ST6GALNAC2: variants seen among roughly 807,000 people sequenced by gnomAD.
ST6GALNAC2 encodes ST6 N-acetylgalactosaminide alpha-2,6-sialyltransferase 2.
ST6GALNAC2 carries 42 observed loss-of-function variants against 38.7 expected under a neutral mutation model. The ratio of observed to expected loss-of-function variants is 1.09; its 90% CI spans 0.85 to 1.40. The LOEUF (loss-of-function observed/expected upper bound fraction) is 1.40. ST6GALNAC2 is among the 40% of genes most tolerant of loss of function. ST6GALNAC2 has a pLI of 0.00. For missense variants in ST6GALNAC2, 506 were observed against 481.7 expected (o/e 1.05, Z -0.47); for synonymous variants, 233 against 209.0 (o/e 1.11, Z -0.99).
At chr17:76,578,551 C>T (rs2075442504) in intron 2 of ST6GALNAC2, among the ~76,000 whole-genome samples, 1 of 152,142 alleles carries the variant, frequency 6.6e-6, no homozygotes, top group Non-Finnish European at 1.5e-5. Flanking sequence ...CATATTTATT[C>T]ATCCTTCTCT....
intron 6 of ST6GALNAC2, chr17:76,569,935 G>C (rs1266552081): frequency 4.8e-6 from 1 of 210,482 alleles, no homozygotes; most frequent in Non-Finnish European, 9.4e-6. Flanking sequence ...TGATCTCAGG[G>C]ACAAGAAATT....
At chr17:76,570,462 A>ACC in intron 6 of ST6GALNAC2, 103 bp downstream of exon 6, 1 of 733,358 alleles carries the variant, frequency 1.4e-6, no homozygotes, top group Non-Finnish European at 2.3e-6. Flanking sequence ...CCCTTCACCC[A>ACC]CCTCCTCTTA....
At chr17:76,584,425 T>C (rs1379683665) in intron 1 of ST6GALNAC2, among the ~76,000 whole-genome samples, 1 of 152,186 alleles carries the variant, frequency 6.6e-6, no homozygotes, top group African/African-American at 2.4e-5. Context: ...CAAACATGTA[T>C]TATTTCTTTG....
intron 1 of ST6GALNAC2, 127 bp downstream of exon 1, chr17:76,585,557 T>C: frequency 9.1e-7 from 1 of 1,103,970 alleles, no homozygotes; most frequent in East Asian, 3.2e-5. Flanking sequence ...CGCTGAGAGC[T>C]GCCCCAGAGG....
rs138894722 is a variant in ST6GALNAC2 at position 76,579,866 on chromosome 17, A to T, written c.126-1050T>A. On this transcript the variant is annotated intron_variant, in intron 1 of 8. Transcript: ENST00000225276. ...GGACTTCCCAGCCTCCAGAACCATA[A>T]GAGGTAACTCTCTGTTTTTTGTAAA... Among the ~76,000 whole-genome samples, 1,013 of 152,298 alleles carry T rather than the reference A, an allele frequency of 6.7e-3. 5 individuals carry two copies. Among genetic ancestry groups the T allele is most frequent in the Non-Finnish European group, 0.011 (745 of 68,022 alleles).
chr17:76,567,638 C>G, intron 7 of ST6GALNAC2, 86 bp from the exon 8 acceptor site: 1 of 885,962 alleles, frequency 1.1e-6, no homozygotes, highest in South Asian at 1.4e-5. Flanking sequence ...GGTGGGAAAA[C>G]TTCAAAAACT....
intron 3 of ST6GALNAC2, among the ~76,000 whole-genome samples, chr17:76,574,099 C>T (rs983110264): frequency 7.9e-5 from 12 of 152,164 alleles, no homozygotes; most frequent in African/African-American, 2.7e-4. Context: ...CACCATTGGA[C>T]GCTGCAGCCT....
chr17:76,579,528 C>A (rs2075452800), intron 1 of ST6GALNAC2, among the ~76,000 whole-genome samples: 1 of 152,208 alleles, frequency 6.6e-6, no homozygotes. Context: ...GAAGTACAAT[C>A]CTGGTTAAGG....
intron 2 of ST6GALNAC2, among the ~76,000 whole-genome samples, chr17:76,575,972 G>A (rs1215509240): frequency 2.0e-5 from 3 of 152,238 alleles, no homozygotes; most frequent in Non-Finnish European, 4.4e-5. Flanking sequence ...AGCTGGGCAT[G>A]GGGGCTCACC....
At chr17:76,579,198 C>T (rs1271721619) in intron 1 of ST6GALNAC2, among the ~76,000 whole-genome samples, 3 of 152,226 alleles carry the variant, frequency 2.0e-5, no homozygotes, top group African/African-American at 7.2e-5. Context: ...GGATTACAGG[C>T]GTAAGCCACT....
At chr17:76,572,846 C>A in intron 4 of ST6GALNAC2, 71 bp from the exon 5 acceptor site, 2 of 1,571,714 alleles carry the variant, frequency 1.3e-6, no homozygotes, top group South Asian at 2.2e-5. Context: ...ATCTCCACGG[C>A]TCTGCCTGGC....
At chr17:76,582,164 C>CTTT (rs71158025) in intron 1 of ST6GALNAC2, among the ~76,000 whole-genome samples, 17 of 62,056 alleles carry the variant, frequency 2.7e-4, no homozygotes, top group Non-Finnish European at 2.9e-4. Flanking sequence ...CGTGCCCAGC[C>CTTT]TTTTTTTTTT....
chr17:76,567,380 A>T, intron 8 of ST6GALNAC2, 73 bp downstream of exon 8: 2 of 1,105,232 alleles, frequency 1.8e-6, no homozygotes, highest in Non-Finnish European at 2.8e-6. Flanking sequence ...GGTAAGGGAT[A>T]TCAGGGGATC....
chr17:76,573,329 T>C lies in ST6GALNAC2; in HGVS notation c.396A>G (p.Ser132=), dbSNP rs1342869426. 6.3e-7 allele frequency: 1 copy of C among 1,577,498 alleles called. No individual in the cohort carries two copies. Among genetic ancestry groups the C allele is most frequent in the Non-Finnish European group, 8.6e-7 (1 of 1,161,146 alleles). Residue 132 remains serine, a synonymous_variant, in exon 4 of 9, where the codon TCA becomes TCG. Coordinates refer to ENST00000225276, the MANE Select transcript of ST6GALNAC2 (RefSeq NM_006456.3). The surrounding 1 kb of genome is among the most constrained non-coding windows in gnomAD (Gnocchi z 5.1). ...GCGGGGCAAACAGCTTGGCACTCTCTGAGCCGTTCAGAAGGCTCAGGGTGG... is the reference window on the plus strand; with the variant it reads ...GCGGGGCAAACAGCTTGGCACTCTCCGAGCCGTTCAGAAGGCTCAGGGTGG... ...IASTLSLLNG[S]ESAKLFAPPR...
chr17:76,566,758 C>A (rs756337971), intron 8 of ST6GALNAC2, among the ~76,000 whole-genome samples: 11 of 151,440 alleles, frequency 7.3e-5, no homozygotes, highest in Non-Finnish European at 1.3e-4. Flanking sequence ...AGCTACCCAG[C>A]TACTTGGGAA....
At chr17:76,567,712 AGACCTTAGG>A in intron 7 of ST6GALNAC2, 160 bp from the exon 8 acceptor site, 1 of 561,958 alleles carries the variant, frequency 1.8e-6, no homozygotes, top group Non-Finnish European at 3.2e-6. Context: ...AAGATCTTTG[AGACCTTAGG>A]TAAGGTTGGG....
Position 76,573,336 on chromosome 17 carries a change from T to A in ST6GALNAC2, c.389A>T (p.Asn130Ile). 1.9e-6 allele frequency: 3 copies of A among 1,570,840 alleles called. No individual in the cohort carries two copies. The highest frequency in any genetic ancestry group is 2.6e-6 in the Non-Finnish European group (3 of 1,157,568). ...QVIASTLSLL[N>I]GSESAKLFAP... is the part of the protein sequence containing the mutation. ...AAACAGCTTGGCACTCTCTGAGCCG[T>A]TCAGAAGGCTCAGGGTGGAGGCGAT... Residue 130 changes from asparagine (N) to isoleucine (I), a missense_variant, in exon 4 of 9, where the codon AAC becomes ATC. Coordinates refer to ENST00000225276, the MANE Select transcript of ST6GALNAC2 (RefSeq NM_006456.3). The surrounding 1 kb of genome is among the most constrained non-coding windows in gnomAD (Gnocchi z 5.1).
intron 1 of ST6GALNAC2, among the ~76,000 whole-genome samples, chr17:76,582,020 A>T (rs1452687556): frequency 6.6e-6 from 1 of 151,732 alleles, no homozygotes; most frequent in African/African-American, 2.4e-5. Flanking sequence ...GGCGCATGCC[A>T]CCATGCCCAG....
In ST6GALNAC2 at chr17:76,573,975, G is replaced by A. The variant is rs890460506; in HGVS notation, c.361+390C>T. Among the ~76,000 whole-genome samples, 1 of 152,150 alleles carries A rather than the reference G, an allele frequency of 6.6e-6. No individual in the cohort carries two copies. The highest frequency in any genetic ancestry group is 1.5e-5 in the Non-Finnish European group (1 of 68,020). On this transcript the variant is annotated intron_variant, in intron 3 of 8. Coordinates refer to ENST00000225276, the MANE Select transcript of ST6GALNAC2 (RefSeq NM_006456.3). The surrounding 1 kb of genome is among the most constrained non-coding windows in gnomAD (Gnocchi z 5.1). The stretch of plus-strand genomic sequence containing the variant: ...CAAAAGAAAAGAATCGGAGGCCTGT[G>A]GGGGTTTGGGTGCAGGTATAATGTA...
Sources: allele counts gnomAD v4.1 joint callset (sites outside exome capture counted in the v4.1 genomes callset), GRCh38; gene constraint gnomAD v4.1.1; non-coding constraint Gnocchi (gnomAD v3.1); transcripts MANE v1.5; gene names NCBI Gene and HGNC (gene_info 2026-07-23, HGNC 2026-07-21).